The following GPR179 variants were observed in gnomAD, a reference collection of about 807,000 sequenced individuals.
The protein encoded by GPR179 is G protein-coupled receptor 179.
In GPR179, 52 loss-of-function variants were observed where a neutral mutation model predicts 70.8. The ratio of observed to expected loss-of-function variants is 0.73; its 90% CI spans 0.59 to 0.93. The LOEUF is 0.93. GPR179 is among the 40% of genes least tolerant of loss of function. GPR179 has a pLI of 0.00. For synonymous variants in GPR179, 1,123 were observed against 1,169.0 expected (o/e 0.96, Z 0.80); for missense variants, 2,734 against 2,966.8 (o/e 0.92, Z 1.82).
At chr17:38,331,677 G>C in intron 10 of GPR179, 146 bp from the exon 11 acceptor site, 1 of 1,410,728 alleles carries the variant, frequency 7.1e-7, no homozygotes, top group Non-Finnish European at 9.3e-7. Flanking sequence ...TAAAACTCTC[G>C]TAATTCACCT....
At chr17:38,333,910 C>T in intron 9 of GPR179, 23 bp downstream of exon 9, 1 of 1,572,982 alleles carries the variant, frequency 6.4e-7, no homozygotes, top group Non-Finnish European at 8.7e-7. Context: ...GTCCACCTCA[C>T]AGGCAGGAGG....
chr17:38,331,352 T>G lies in GPR179; in HGVS notation c.2217A>C (p.Gly739=), dbSNP rs757923581. 1.2e-6 allele frequency: 2 copies of G among 1,612,680 alleles called. No homozygotes were observed. Among genetic ancestry groups the G allele is most frequent in the Non-Finnish European group, 1.7e-6 (2 of 1,179,624 alleles). The part of the protein sequence containing the change: ...ALARQHSRDS[G]SPGHGSLPGS... The stretch of plus-strand genomic sequence containing the variant: ...CGGGCAGGCTGCCGTGGCCTGGGGA[T>G]CCTGAGTCCCGGGAGTGCTGCCTGG... Residue 739 remains glycine (G), a synonymous_variant, in exon 11 of 11, where the codon GGA becomes GGC. Coordinates refer to ENST00000616987, the MANE Select transcript of GPR179 (RefSeq NM_001004334.4).
At position 38,334,794 on chromosome 17, in the gene GPR179, C is replaced by T. The variant is rs182946118; in HGVS notation, c.1694G>A (p.Arg565Gln). The change falls in exon 8 of 11, where the codon CGG becomes CAG. Residue 565 changes from arginine to glutamine, a missense_variant. Coordinates refer to ENST00000616987, the MANE Select transcript of GPR179 (RefSeq NM_001004334.4). This position sits in a 1 kb window ranked among gnomAD's most constrained non-coding sequence, Gnocchi z 4.7. ...CWGSFLCYAT[R>Q]AVLSAFHEPR... ...CTCATGGAAGGCCGAGAGCACAGCC[C>T]GTGTGGCGTAGCAGAGGAAGCTGCC... 361 of 1,613,356 alleles carry T rather than the reference C, an allele frequency of 2.2e-4. No individual in the cohort carries two copies. The highest frequency in any genetic ancestry group is 2.9e-4 in the Non-Finnish European group (346 of 1,179,968).
chr17:38,335,844 C>A, intron 5 of GPR179, 144 bp from the exon 6 acceptor site: 1 of 679,242 alleles, frequency 1.5e-6, no homozygotes, highest in South Asian at 1.7e-5. Flanking sequence ...GCTGAAGTGT[C>A]AAAGAAGTTA....
Position 38,343,710 on chromosome 17 carries a change from C to A in GPR179, c.80G>T (p.Gly27Val). ...CAGAGAGCGGATGGGCCGTGGACCCCCCAGAGCCCAGGCACAGACAAAACA... is the reference window on the plus strand; with the variant it reads ...CAGAGAGCGGATGGGCCGTGGACCCACCAGAGCCCAGGCACAGACAAAACA... ...GCCFVCAWAL[G>V]GPRPIRSLPP... The change falls in exon 1 of 11, where the codon GGG (glycine) becomes GTG (valine). Residue 27 changes from glycine to valine, a missense_variant. Transcript: ENST00000616987. The surrounding 1 kb of genome is among the most constrained non-coding windows in gnomAD (Gnocchi z 4.2). 1 of 1,589,666 alleles carries A rather than the reference C, an allele frequency of 6.3e-7. No homozygotes were observed. Among genetic ancestry groups the A allele is most frequent in the Non-Finnish European group, 8.6e-7 (1 of 1,166,124 alleles).
chr17:38,338,526 C>T, intron 2 of GPR179, among the ~76,000 whole-genome samples: 1 of 152,248 alleles, frequency 6.6e-6, no homozygotes, highest in Non-Finnish European at 1.5e-5. Context: ...CTGGACTACA[C>T]AGTCTGCACA....
At chr17:38,332,995 C>T (rs867005475) in intron 10 of GPR179, among the ~76,000 whole-genome samples, 4 of 152,350 alleles carry the variant, frequency 2.6e-5, no homozygotes, top group Middle Eastern at 3.4e-3. Flanking sequence ...CACTCTCGGC[C>T]CTGCCTCTAG....
chr17:38,337,812 C>A, intron 2 of GPR179, 92 bp from the exon 3 acceptor site: 1 of 1,088,082 alleles, frequency 9.2e-7, no homozygotes, highest in East Asian at 2.5e-5. Context: ...CATCTACCTC[C>A]CTATCCATGG....
Position 38,331,007 on chromosome 17 carries a change from G to A in GPR179, c.2562C>T (p.Ala854=), listed in dbSNP as rs1379938298. The stretch of plus-strand genomic sequence containing the variant: ...AGGTCTCCTCCAGGTAGGCCTGGCT[G>A]GCCATGAGCAAGGCCTTTTCCCTGG... ...ASSREKALLM[A]SQAYLEETYR... The change falls in exon 11 of 11, where the codon GCC becomes GCT. Residue 854 remains alanine (A), a synonymous_variant. Transcript: ENST00000616987. 3.1e-6 allele frequency: 5 copies of A among 1,611,272 alleles called. No homozygotes were observed. The highest frequency in any genetic ancestry group is 1.3e-5 in the African/African-American group (1 of 74,926).
chr17:38,328,939 C>T lies in GPR179; in HGVS notation c.4630G>A (p.Gly1544Arg), dbSNP rs1408214716. 2 of 1,614,180 alleles carry T rather than the reference C, an allele frequency of 1.2e-6. No individual in the cohort carries two copies. Among genetic ancestry groups the T allele is most frequent in the Admixed American group, 3.3e-5 (2 of 60,022 alleles). Residue 1544 changes from glycine (G) to arginine (R), a missense_variant, in exon 11 of 11, where the codon GGG becomes AGG. By Grantham distance (125) the Gly-to-Arg change is moderately radical (BLOSUM62 -2). Coordinates refer to ENST00000616987, the MANE Select transcript of GPR179 (RefSeq NM_001004334.4). ...TTGTCTAGACATGGGCTGGAGTGCCCAGGGACCGTGCTCTCCCTGGGACAA... is the reference window on the plus strand; with the variant it reads ...TTGTCTAGACATGGGCTGGAGTGCCTAGGGACCGTGCTCTCCCTGGGACAA... ...SVCPRESTVP[G>R]HSSPCLDNSS...
chr17:38,343,854 A>C lies in GPR179; in HGVS notation c.-65T>G. On this transcript the variant is annotated 5_prime_UTR_variant, in exon 1 of 11. Coordinates refer to ENST00000616987, the MANE Select transcript of GPR179 (RefSeq NM_001004334.4). The surrounding 1 kb of genome is among the most constrained non-coding windows in gnomAD (Gnocchi z 4.2). ...GAGAGCCCAGGCAGAGGCTGGCTGC[A>C]GTCTGGGGGCTGTCGGCCTCCACGC... The C allele has an allele frequency of 1.5e-6, 2 of 1,341,434 alleles. No homozygotes were observed. Among genetic ancestry groups the C allele is most frequent in the South Asian group, 1.6e-5 (1 of 63,968 alleles). The allele number at this position is 1,341,434 out of a possible 1,614,324, so 83.1% of individuals were successfully genotyped here.
In GPR179 at chr17:38,328,628, C is replaced by T. The variant is rs377619912; in HGVS notation, c.4941G>A (p.Ala1647=). ...KPEGQIQKQE[A]VGPWESVDPG... is the part of the protein sequence containing the mutation. Reference sequence around the variant, plus strand: ...GGTCCACACTCTCCCAGGGGCCGACCGCTTCTTGCTTTTGGATCTGCCCCT... The same window carrying T: ...GGTCCACACTCTCCCAGGGGCCGACTGCTTCTTGCTTTTGGATCTGCCCCT... Residue 1647 remains alanine (A), a synonymous_variant, in exon 11 of 11, where the codon GCG becomes GCA. Transcript: ENST00000616987. The T allele has an allele frequency of 1.5e-5, 25 of 1,614,034 alleles. No homozygotes were observed. The highest frequency in any genetic ancestry group is 6.7e-5 in the African/African-American group (5 of 74,892).
chr17:38,339,216 G>A, intron 2 of GPR179: 1 of 528,720 alleles, frequency 1.9e-6, no homozygotes, highest in South Asian at 2.8e-5. Flanking sequence ...GGAGGAATAG[G>A]GGGTGGGGGG....
At position 38,327,412 on chromosome 17, in the gene GPR179, C is replaced by CT; in HGVS notation, c.6156dup (p.Glu2053ArgfsTer43). The CT allele has an allele frequency of 6.2e-7, 1 of 1,614,242 alleles. No homozygotes were observed. The highest frequency in any genetic ancestry group is 8.5e-7 in the Non-Finnish European group (1 of 1,180,046). On this transcript the variant is annotated frameshift_variant, in exon 11 of 11. Transcript: ENST00000616987. LOFTEE classifies it low-confidence loss of function (END_TRUNC). ...TTCTGAACTGGCACACCTTTTGGCT[C>CT]TGATTTTTCTGGGGCTCTGCCTTTC...
Position 38,329,415 on chromosome 17 carries a change from G to A in GPR179, c.4154C>T (p.Ala1385Val). 1 of 1,613,646 alleles carries A rather than the reference G, an allele frequency of 6.2e-7. No homozygotes were observed. The highest frequency in any genetic ancestry group is 1.7e-5 in the Admixed American group (1 of 59,972). The change falls in exon 11 of 11, where the codon GCA (alanine) becomes GTA (valine). Residue 1385 changes from alanine (A) to valine (V), a missense_variant. Physicochemically the swap from Ala to Val is moderately conservative, Grantham distance 64. Coordinates refer to ENST00000616987, the MANE Select transcript of GPR179 (RefSeq NM_001004334.4). The part of the protein sequence containing the change: ...ITKAEPCPWE[A>V]SEGGEDGKPA... ...TTTCCCATCCTCGCCTCCTTCACTT[G>A]CCTCCCAGGGACACGGCTCTGCCTT...
rs1322085038 is a variant in GPR179 at position 38,326,474 on chromosome 17, A to G, written c.7095T>C (p.Asp2365=). ...EFTPPTVYPW[D]WE ...TCACCTAATAAGGCTGTTACTCCCA[A>G]TCCCAAGGATAGACAGTGGGAGGGG... Residue 2365 remains aspartate (D), a synonymous_variant, in exon 11 of 11, where the codon GAT becomes GAC. Transcript: ENST00000616987. The G allele has an allele frequency of 5.0e-6, 8 of 1,601,828 alleles. No individual in the cohort carries two copies. Among genetic ancestry groups the G allele is most frequent in the Non-Finnish European group, 6.8e-6 (8 of 1,171,672 alleles).
Position 38,329,338 on chromosome 17 carries a change from T to C in GPR179, c.4231A>G (p.Lys1411Glu). The C allele has an allele frequency of 6.2e-7, 1 of 1,613,340 alleles. No homozygotes were observed. The highest frequency in any genetic ancestry group is 8.5e-7 in the Non-Finnish European group (1 of 1,179,792). ...TTCTGTTCTTTCCAAAAGGTTGCTT[T>C]CCTGGTTTTCTGCTTTTCCTGAGGG... Reference protein sequence around the residue: ...DLPQEKQKTRKATFWKEQKPG... With the variant: ...DLPQEKQKTREATFWKEQKPG... Residue 1411 changes from lysine (K) to glutamate (E), a missense_variant, in exon 11 of 11, where the codon AAA becomes GAA. Lys to Glu is a moderately conservative substitution (Grantham distance 56, BLOSUM62 1). Transcript: ENST00000616987.
At chr17:38,341,428 C>G (rs2037448166) in intron 1 of GPR179, among the ~76,000 whole-genome samples, 1 of 152,198 alleles carries the variant, frequency 6.6e-6, no homozygotes, top group Non-Finnish European at 1.5e-5. Flanking sequence ...CTGAATTGAT[C>G]ACAGCAAAGG....
In GPR179 at chr17:38,329,525, C is replaced by G; in HGVS notation, c.4044G>C (p.Glu1348Asp). 1.2e-6 allele frequency: 2 copies of G among 1,614,110 alleles called. No homozygotes were observed. The highest frequency in any genetic ancestry group is 1.7e-6 in the Non-Finnish European group (2 of 1,180,012). ...QDPGRIRDKS[E>D]AGDSVEARKV... ...TCCTGGCCTCCACACTGTCCCCCGC[C>G]TCAGATTTGTCTCTGATTCTGCCAG... The change falls in exon 11 of 11, where the codon GAG becomes GAC. Residue 1348 changes from glutamate (E) to aspartate (D), a missense_variant. By Grantham distance (45) the Glu-to-Asp change is conservative (BLOSUM62 2). Coordinates refer to ENST00000616987, the MANE Select transcript of GPR179 (RefSeq NM_001004334.4).
Sources: allele counts gnomAD v4.1 joint callset (sites outside exome capture counted in the v4.1 genomes callset), GRCh38; gene constraint gnomAD v4.1.1; non-coding constraint Gnocchi (gnomAD v3.1); transcripts MANE v1.5; gene names NCBI Gene and HGNC (gene_info 2026-07-23, HGNC 2026-07-21).